Variants in STON1 observed in about 807,000 individuals in gnomAD.
STON1 encodes stonin 1.
STON1 carries 79 observed loss-of-function variants against 60.9 expected under a neutral mutation model. The ratio of observed to expected loss-of-function variants is 1.30; its 90% CI spans 1.08 to 1.56. The LOEUF (loss-of-function observed/expected upper bound fraction) is 1.56. STON1 is among the 40% of genes most tolerant of loss of function. The pLI, the probability that STON1 is intolerant of heterozygous loss-of-function variation, is 0.00. For missense variants in STON1, 1,166 were observed against 858.9 expected, an observed-to-expected ratio of 1.36 and a Z score of -4.47; for synonymous variants, 363 against 306.9, an observed-to-expected ratio of 1.18 and a Z score of -1.91.
intron 2 of STON1, 107 bp from the exon 3 acceptor site, chr2:48,591,546 G>A: frequency 6.9e-7 from 1 of 1,457,654 alleles, no homozygotes; most frequent in South Asian, 1.4e-5. Context: ...CTGCTGCAGT[G>A]CTAATGAAAT....
chr2:48,582,132 G>A lies in STON1; in HGVS notation c.1499G>A (p.Arg500Lys), dbSNP rs746129030. 4 of 1,614,178 alleles carry A rather than the reference G, an allele frequency of 2.5e-6. No homozygotes were observed. The highest frequency in any genetic ancestry group is 3.4e-6 in the Non-Finnish European group (4 of 1,180,024). ...AATGTACAAGAATTTGAGCAATCAA[G>A]AATCATTAAGTTTGTACCTCTGGAT... The part of the protein sequence containing the change: ...CVNVQEFEQS[R>K]IIKFVPLDAC... Residue 500 changes from arginine (R) to lysine (K), a missense_variant, in exon 2 of 4, where the codon AGA becomes AAA. By Grantham distance (26) the Arg-to-Lys change is conservative (BLOSUM62 2). Coordinates refer to ENST00000404752, the MANE Select transcript of STON1 (RefSeq NM_006873.4).
intron 1 of STON1, among the ~76,000 whole-genome samples, chr2:48,556,261 A>T (rs1318123082): frequency 6.0e-4 from 11 of 18,204 alleles, no homozygotes; most frequent in African/African-American, 1.7e-3. Flanking sequence ...CTGGCCGGGC[A>T]GAGGGGCTCC....
At position 48,534,720 on chromosome 2, in the gene STON1, C is replaced by A. The variant is rs573352276; in HGVS notation, c.-48+4504C>A. On this transcript the variant is annotated intron_variant, in intron 1 of 3. Transcript: ENST00000404752. ...ATCACCTGAGCCTAGGAGATGGAGG[C>A]TTCAGTGAGCTATGTCACGCTACTG... Among the ~76,000 whole-genome samples, 39 of 152,216 alleles carry A rather than the reference C, an allele frequency of 2.6e-4. 1 individual carries two copies. Among genetic ancestry groups the A allele is most frequent in the African/African-American group, 9.1e-4 (38 of 41,544 alleles).
At chr2:48,555,322 T>C (rs1264167132) in intron 1 of STON1, among the ~76,000 whole-genome samples, 11 of 36,452 alleles carry the variant, frequency 3.0e-4, no homozygotes, top group East Asian at 8.7e-4. Flanking sequence ...CGGGGGGGGC[T>C]GACCCCCCCC....
In STON1 at chr2:48,582,429, G is replaced by C. The variant is rs200156328; in HGVS notation, c.1796G>C (p.Arg599Pro). 8 of 1,614,154 alleles carry C rather than the reference G, an allele frequency of 5.0e-6. No homozygotes were observed. The highest frequency in any genetic ancestry group is 1.6e-4 in the Middle Eastern group (1 of 6,062). Residue 599 changes from arginine to proline, a missense_variant, in exon 2 of 4, where the codon CGC becomes CCC. Transcript: ENST00000404752. Reference protein sequence around the residue: ...RQKSLKAKMNRRACLGSLQEL... With the variant: ...RQKSLKAKMNPRACLGSLQEL... ...AAGTCTCTGAAAGCTAAAATGAACC[G>C]CCGAGCATGTCTGGGGAGTTTACAG...
rs1259533027 is a variant in STON1 at position 48,581,805 on chromosome 2, C to G, written c.1172C>G (p.Thr391Ser). The change falls in exon 2 of 4, where the codon ACT becomes AGT. Residue 391 changes from threonine (T) to serine (S), a missense_variant. Coordinates refer to ENST00000404752, the MANE Select transcript of STON1 (RefSeq NM_006873.4). ...TACCATGACTTCCTTGACTTTCTGA[C>G]TACTGTGGAGGAGGAGCTGATGAAG... is the stretch of plus-strand genomic sequence containing the variant. ...TSYHDFLDFL[T>S]TVEEELMKLP... 2.5e-6 allele frequency: 4 copies of G among 1,614,172 alleles called. No homozygotes were observed. The highest frequency in any genetic ancestry group is 3.4e-6 in the Non-Finnish European group (4 of 1,180,038).
At chr2:48,564,461 C>CTCT (rs1558604350) in intron 1 of STON1, among the ~76,000 whole-genome samples, 2 of 54,466 alleles carry the variant, frequency 3.7e-5, no homozygotes, top group African/African-American at 1.4e-4. Flanking sequence ...TCTTCTTCTT[C>CTCT]TTCTTCTTCT....
intron 1 of STON1, among the ~76,000 whole-genome samples, chr2:48,560,517 G>A (rs768274259): frequency 3.9e-4 from 60 of 152,336 alleles, no homozygotes; most frequent in African/African-American, 1.4e-3. Flanking sequence ...TTGTTTGCAG[G>A]TCTTTGCCTG....
At chr2:48,564,480 T>TTCTTCTTCTTTC (rs1558604783) in intron 1 of STON1, among the ~76,000 whole-genome samples, 1 of 32,492 alleles carries the variant, frequency 3.1e-5, no homozygotes, top group Non-Finnish European at 6.5e-5. Flanking sequence ...CTTCTTCTTC[T>TTCTTCTTCTTTC]TTCTTCTTCT....
At chr2:48,530,917 C>T (rs1337884055) in intron 1 of STON1, 2 of 152,240 alleles carry the variant, frequency 1.3e-5, no homozygotes, top group East Asian at 3.8e-4. Flanking sequence ...AAATATATTC[C>T]TCCTTAGGAT....
At chr2:48,587,753 A>C (rs1284191249) in intron 2 of STON1, among the ~76,000 whole-genome samples, 1 of 152,262 alleles carries the variant, frequency 6.6e-6, no homozygotes, top group East Asian at 1.9e-4. Context: ...CATTTCAGTC[A>C]ATTACACAGT....
Position 48,582,045 on chromosome 2 carries a change from A to T in STON1, c.1412A>T (p.Tyr471Phe), listed in dbSNP as rs745926096. ...TTGCCGAAGCGAGATGAATCCTATT[A>T]TGAGAAGGACTCAGAAAAAAAGGGG... is the stretch of plus-strand genomic sequence containing the variant. The part of the protein sequence containing the change: ...LELPKRDESY[Y>F]EKDSEKKGID... The change falls in exon 2 of 4, where the codon TAT becomes TTT. Residue 471 changes from tyrosine (Y) to phenylalanine (F), a missense_variant. Coordinates refer to ENST00000404752, the MANE Select transcript of STON1 (RefSeq NM_006873.4). 1 of 1,614,172 alleles carries T rather than the reference A, an allele frequency of 6.2e-7. No individual in the cohort carries two copies. The highest frequency in any genetic ancestry group is 2.2e-5 in the East Asian group (1 of 44,892).
At chr2:48,532,996 G>A (rs982556307) in intron 1 of STON1, among the ~76,000 whole-genome samples, 1 of 152,166 alleles carries the variant, frequency 6.6e-6, no homozygotes, top group African/African-American at 2.4e-5. Context: ...ATTCATGCCT[G>A]TAACCCTAGC....
intron 1 of STON1, among the ~76,000 whole-genome samples, chr2:48,548,715 G>C (rs994463281): frequency 6.6e-6 from 1 of 152,018 alleles, no homozygotes; most frequent in Non-Finnish European, 1.5e-5. Flanking sequence ...GCCCAGGCTG[G>C]TCTTGAACTA....
intron 2 of STON1, among the ~76,000 whole-genome samples, chr2:48,586,567 G>A (rs1195756980): frequency 6.6e-6 from 1 of 152,194 alleles, no homozygotes; most frequent in Non-Finnish European, 1.5e-5. Context: ...TTCCATCAAA[G>A]AAAGAAACAG....
chr2:48,585,145 A>C (rs1197377190), intron 2 of STON1, among the ~76,000 whole-genome samples: 2 of 152,198 alleles, frequency 1.3e-5, no homozygotes, highest in Non-Finnish European at 2.9e-5. Context: ...GCCTGGTCAC[A>C]GTAAATGGTC....
At chr2:48,582,593 C>A in intron 2 of STON1, 30 bp downstream of exon 2, 2 of 1,587,948 alleles carry the variant, frequency 1.3e-6, no homozygotes, top group Non-Finnish European at 1.7e-6. Flanking sequence ...AGTTTATTTT[C>A]ATGGGAAATA....
At chr2:48,533,580 C>T (rs111588601) in intron 1 of STON1, among the ~76,000 whole-genome samples, 10,795 of 146,166 alleles carry the variant, frequency 0.074, 545 homozygotes, top group Non-Finnish European at 0.11. Context: ...ATGTCAGCTA[C>T]TCGGGAGGCT....
chr2:48,563,096 A>G (rs1298081939), intron 1 of STON1, among the ~76,000 whole-genome samples: 1 of 152,190 alleles, frequency 6.6e-6, no homozygotes, highest in Non-Finnish European at 1.5e-5. Context: ...TTGAGTGGAG[A>G]CAGACTGTGG....
Sources: allele counts gnomAD v4.1 joint callset (sites outside exome capture counted in the v4.1 genomes callset), GRCh38; gene constraint gnomAD v4.1.1; transcripts MANE v1.5; gene names NCBI Gene and HGNC (gene_info 2026-07-23, HGNC 2026-07-21).